BLM: variants seen among roughly 807,000 people sequenced by gnomAD.
The protein encoded by BLM is recQ-like DNA helicase BLM.
Under a neutral mutation model 135.3 loss-of-function variants are expected in BLM, and 95 were observed. That is an observed-to-expected ratio of 0.70 (90% CI 0.59 to 0.83). The LOEUF is 0.83. Among genes scored for constraint, BLM ranks in the 40% least tolerant of loss-of-function variants. The pLI is 0.00. For missense variants in BLM, 1,518 were observed against 1,663.9 expected (o/e 0.91, Z 1.53); for synonymous variants, 520 against 589.2 (o/e 0.88, Z 1.70).
At chr15:90,752,938 G>C (rs1012468943) in intron 4 of BLM, among the ~76,000 whole-genome samples, 6 of 152,180 alleles carry the variant, frequency 3.9e-5, no homozygotes, top group Non-Finnish European at 7.3e-5. Context: ...ATGACAAATG[G>C]ACTCAGATCC....
At position 90,761,075 on chromosome 15, in the gene BLM, G is replaced by A; in HGVS notation, c.1702G>A (p.Glu568Lys). The change falls in exon 7 of 22, where the codon GAA becomes AAA. Residue 568 changes from glutamate (E) to lysine (K), a missense_variant. Transcript: ENST00000355112. ...TGACTTTGATGATGATGATGACTGG[G>A]AAGACATAATGCATAATTTAGCAGC... ...IDDFDDDDDW[E>K]DIMHNLAASK... The A allele has an allele frequency of 6.4e-7, 1 of 1,574,680 alleles. No individual in the cohort carries two copies. The highest frequency in any genetic ancestry group is 8.6e-7 in the Non-Finnish European group (1 of 1,163,966).
At chr15:90,723,094 G>A (rs182417793) in intron 1 of BLM, among the ~76,000 whole-genome samples, 2 of 151,946 alleles carry the variant, frequency 1.3e-5, no homozygotes, top group Non-Finnish European at 2.9e-5. Context: ...TGCCTGCCTC[G>A]GCCTCCCAAA....
At position 90,749,962 on chromosome 15, in the gene BLM, A is replaced by AGCAGCGATGTGATTT; in HGVS notation, c.698_712dup (p.Ser233_Cys237dup). ...ACAGAAGGATGACTCAGAATGGTTA[A>AGCAGCGATGTGATTT]GCAGCGATGTGATTTGCATCGATGA... On this transcript the variant is annotated inframe_insertion, in exon 3 of 22. Coordinates refer to ENST00000355112, the MANE Select transcript of BLM (RefSeq NM_000057.4). The AGCAGCGATGTGATTT allele has an allele frequency of 6.2e-7, 1 of 1,614,254 alleles. No homozygotes were observed. The highest frequency in any genetic ancestry group is 8.5e-7 in the Non-Finnish European group (1 of 1,180,036).
chr15:90,790,311 C>G (rs186124540), intron 14 of BLM: 1 of 360,004 alleles, frequency 2.8e-6, no homozygotes, highest in East Asian at 7.0e-5. Context: ...CAACACCCCC[C>G]ACACCTCAGT....
chr15:90,766,418 G>A (rs1896127456), intron 9 of BLM, among the ~76,000 whole-genome samples: 1 of 152,030 alleles, frequency 6.6e-6, no homozygotes, highest in Non-Finnish European at 1.5e-5. Context: ...TTTGTGTTAT[G>A]CTTTTTTTTG....
At chr15:90,748,804 C>A (rs1895580549) in intron 2 of BLM, among the ~76,000 whole-genome samples, 1 of 150,942 alleles carries the variant, frequency 6.6e-6, no homozygotes, top group Non-Finnish European at 1.5e-5. Flanking sequence ...GTCACCCAGG[C>A]TGGAGTGCGG....
chr15:90,773,589 C>T (rs903650159), intron 12 of BLM, among the ~76,000 whole-genome samples: 1 of 102,650 alleles, frequency 9.7e-6, no homozygotes, highest in Non-Finnish European at 1.9e-5. Context: ...ACATTTTTGT[C>T]TCTGTTGAAA....
intron 1 of BLM, among the ~76,000 whole-genome samples, chr15:90,718,698 A>G (rs1420837365): frequency 1.3e-5 from 2 of 152,234 alleles, no homozygotes; most frequent in African/African-American, 4.8e-5. Flanking sequence ...TCACCATGAC[A>G]GGTACCTTAT....
chr15:90,792,333 T>A (rs1896925737), intron 15 of BLM, among the ~76,000 whole-genome samples: 1 of 152,282 alleles, frequency 6.6e-6, no homozygotes, highest in East Asian at 1.9e-4. Context: ...CTTGAACTCC[T>A]GACCTCCAGT....
chr15:90,806,182 C>G (rs1043008965), intron 19 of BLM, among the ~76,000 whole-genome samples: 1 of 152,090 alleles, frequency 6.6e-6, no homozygotes, highest in Non-Finnish European at 1.5e-5. Flanking sequence ...TAGTTGGCAT[C>G]TTAGATCCAA....
At chr15:90,785,998 C>CTTTTTTTTTTTT (rs869185558) in intron 14 of BLM, among the ~76,000 whole-genome samples, 1 of 110,702 alleles carries the variant, frequency 9.0e-6, no homozygotes, top group Non-Finnish European at 1.9e-5. Context: ...TCGTTTCTTT[C>CTTTTTTTTTTTT]TTTTTTTTTT....
Position 90,734,478 on chromosome 15 carries a change from C to T in BLM, c.-4-12911C>T, listed in dbSNP as rs532275485. Reference sequence around the variant, plus strand: ...AATTTTTGTATTTTTAGTAGAGATGCGGTTTCACCATCTTGGCCAGGCTGG... The same window carrying T: ...AATTTTTGTATTTTTAGTAGAGATGTGGTTTCACCATCTTGGCCAGGCTGG... On this transcript the variant is annotated intron_variant, in intron 1 of 21. Coordinates refer to ENST00000355112, the MANE Select transcript of BLM (RefSeq NM_000057.4). Among the ~76,000 whole-genome samples, 188 of 151,852 alleles carry T rather than the reference C, an allele frequency of 1.2e-3. 1 individual carries two copies. The highest frequency in any genetic ancestry group is 4.3e-3 in the African/African-American group (180 of 41,424).
At chr15:90,794,930 T>G (rs7179346) in intron 16 of BLM, among the ~76,000 whole-genome samples, 26,503 of 151,928 alleles carry the variant, frequency 0.17, 3,551 homozygotes, top group African/African-American at 0.38. Flanking sequence ...ATAAATTCAC[T>G]ATTATCTGTC....
rs1038629873 is a variant in BLM, at chr15:90,760,579, C to G, written c.1221-15C>G. The G allele has an allele frequency of 1.2e-6, 2 of 1,603,310 alleles. No homozygotes were observed. Among genetic ancestry groups the G allele is most frequent in the Non-Finnish European group, 1.7e-6 (2 of 1,174,054 alleles). The stretch of plus-strand genomic sequence containing the variant: ...CTACTTATATTTAATACGTTGTTCT[C>G]TTTTCTCTCTTCAGAAGGAAACTTC... On this transcript the variant is annotated splice_polypyrimidine_tract_variant and intron_variant, in intron 6 of 21. Coordinates refer to ENST00000355112, the MANE Select transcript of BLM (RefSeq NM_000057.4).
intron 12 of BLM, among the ~76,000 whole-genome samples, chr15:90,780,216 C>A (rs1255797831): frequency 6.6e-6 from 1 of 151,806 alleles, no homozygotes; most frequent in Non-Finnish European, 1.5e-5. Flanking sequence ...TCCTGAGTAG[C>A]TGGAATTACA....
chr15:90,785,048 G>A lies in BLM; in HGVS notation c.2790G>A (p.Val930=), dbSNP rs1896711646. The A allele has an allele frequency of 6.2e-7, 1 of 1,614,166 alleles. No homozygotes were observed. The highest frequency in any genetic ancestry group is 8.5e-7 in the Non-Finnish European group (1 of 1,180,030). ...TCAGTGATTCTGCCAGAGATGAAGT[G>A]CAGCAGAAGTGGATTAATCAGGATG... ...AGLSDSARDE[V]QQKWINQDGC... Residue 930 remains valine (V), a synonymous_variant, in exon 14 of 22, where the codon GTG becomes GTA. Transcript: ENST00000355112.
At position 90,795,547 on chromosome 15, in the gene BLM, G is replaced by T. The variant is rs531274178; in HGVS notation, c.3210+1190G>T. ...ATACAGAGCACAGGGCAGAACAGAG[G>T]GTAGTCTCTCTCAGTGTGGAACTGG... On this transcript the variant is annotated intron_variant, in intron 16 of 21. Transcript: ENST00000355112. 2.0e-5 allele frequency among the ~76,000 whole-genome samples: 3 copies of T among 152,198 alleles called. No individual in the cohort carries two copies. In the Middle Eastern group the frequency reaches 0.01, roughly 518 times the overall value.
At chr15:90,790,204 T>G (rs370756098) in intron 14 of BLM, 6 of 225,446 alleles carry the variant, frequency 2.7e-5, no homozygotes, top group African/African-American at 1.4e-4. Flanking sequence ...TTGGAGGAAC[T>G]AGCAGCAGTG....
chr15:90,813,969 A>G (rs28385174), intron 21 of BLM, among the ~76,000 whole-genome samples: 3 of 152,304 alleles, frequency 2.0e-5, no homozygotes, highest in Non-Finnish European at 4.4e-5. Flanking sequence ...CCCAGGTGAA[A>G]TGGAGGCTGC....
Sources: allele counts gnomAD v4.1 joint callset (sites outside exome capture counted in the v4.1 genomes callset), GRCh38; gene constraint gnomAD v4.1.1; transcripts MANE v1.5; gene names NCBI Gene and HGNC (gene_info 2026-07-23, HGNC 2026-07-21).